PKHD1: variants seen among roughly 807,000 people sequenced by gnomAD.
The protein encoded by PKHD1 is fibrocystin.
In PKHD1, 291 loss-of-function variants were observed where a neutral mutation model predicts 412.0. That is an observed-to-expected ratio of 0.71 (90% CI 0.64 to 0.78). The LOEUF is 0.78. PKHD1 is among the 30% of genes least tolerant of loss of function. The pLI is 0.00. For synonymous variants in PKHD1, 1,777 were observed against 1,821.5 expected (o/e 0.98, Z 0.62); for missense variants, 4,825 against 4,950.7 (o/e 0.97, Z 0.76).
chr6:51,698,760 G>A (rs1779085783), intron 60 of PKHD1, among the ~76,000 whole-genome samples: 1 of 152,120 alleles, frequency 6.6e-6, no homozygotes, highest in African/African-American at 2.4e-5. Context: ...TCTTTCATAT[G>A]CTATTATATT....
At chr6:51,763,893 C>A (rs1226380278) in intron 55 of PKHD1, among the ~76,000 whole-genome samples, 4 of 151,920 alleles carry the variant, frequency 2.6e-5, no homozygotes, top group Non-Finnish European at 5.9e-5. Flanking sequence ...ATCCATACTA[C>A]CCCCTTAAAA....
chr6:51,781,962 TA>T (rs35073244), intron 53 of PKHD1, among the ~76,000 whole-genome samples: 51,883 of 148,634 alleles, frequency 0.35, 10,995 homozygotes, highest in East Asian at 0.68. Flanking sequence ...GTTTTCTAAC[TA>T]AAAAAAAAAA....
At chr6:51,621,844 A>T (rs955344531) in intron 66 of PKHD1, 2 of 152,194 alleles carry the variant, frequency 1.3e-5, no homozygotes, top group African/African-American at 2.4e-5. Context: ...GATCTCAGAC[A>T]AATTAGATAA....
At chr6:51,831,509 ATAAT>A (rs1258953234) in intron 51 of PKHD1, among the ~76,000 whole-genome samples, 2 of 152,218 alleles carry the variant, frequency 1.3e-5, no homozygotes, top group African/African-American at 4.8e-5. Flanking sequence ...TTAAAAATCC[ATAAT>A]TAATTCCTAA....
intron 35 of PKHD1, among the ~76,000 whole-genome samples, chr6:51,995,837 T>G (rs1290953069): frequency 6.6e-6 from 1 of 152,124 alleles, no homozygotes; most frequent in Non-Finnish European, 1.5e-5. Context: ...ATGGACTAGT[T>G]CTAACATTCT....
chr6:51,962,152 T>C (rs370570512), intron 35 of PKHD1, among the ~76,000 whole-genome samples: 10 of 152,214 alleles, frequency 6.6e-5, no homozygotes, highest in Middle Eastern at 3.4e-3. Flanking sequence ...GGAAGAATGA[T>C]GTGTTGATGA....
intron 52 of PKHD1, among the ~76,000 whole-genome samples, chr6:51,805,221 C>A (rs1403575230): frequency 2.6e-5 from 4 of 152,172 alleles, no homozygotes; most frequent in South Asian, 2.1e-4. Flanking sequence ...AAATCATGTT[C>A]TTTGCAGCCA....
intron 36 of PKHD1, among the ~76,000 whole-genome samples, chr6:51,958,788 A>G (rs938146885): frequency 3.3e-5 from 5 of 151,048 alleles, no homozygotes; most frequent in African/African-American, 1.2e-4. Flanking sequence ...ATGACTGTCT[A>G]TAGTGGCATT....
At chr6:51,626,257 G>C (rs1050400179) in intron 66 of PKHD1, among the ~76,000 whole-genome samples, 1 of 152,092 alleles carries the variant, frequency 6.6e-6, no homozygotes, top group Non-Finnish European at 1.5e-5. Flanking sequence ...CAGAAAATAT[G>C]ATAATTGACT....
rs1005094279 is a variant in PKHD1 at position 51,764,132 on chromosome 6, G to T, written c.8642+8570C>A. Among the ~76,000 whole-genome samples, 36 of 133,608 alleles carry T rather than the reference G, an allele frequency of 2.7e-4. No homozygotes were observed. In the Admixed American group the frequency reaches 3.0e-3, roughly 11 times the overall value. The allele number at this position is 133,608 out of a possible 152,430, so 87.7% of individuals were successfully genotyped here. The stretch of plus-strand genomic sequence containing the variant: ...CACCCCACCACAGTCCCCAGAGTGT[G>T]ATATTCCCCTTCCTGTGTCCACGTG... On this transcript the variant is annotated intron_variant, in intron 55 of 66. Coordinates refer to ENST00000371117, the MANE Select transcript of PKHD1 (RefSeq NM_138694.4).
At chr6:51,984,682 G>A (rs114502705) in intron 35 of PKHD1, among the ~76,000 whole-genome samples, 3,084 of 152,272 alleles carry the variant, frequency 0.02, 51 homozygotes, top group South Asian at 0.049. Flanking sequence ...GAGAATGTAG[G>A]AGTATCCTTT....
At chr6:52,069,824 CATT>C (rs1810331303) in intron 10 of PKHD1, among the ~76,000 whole-genome samples, 1 of 152,126 alleles carries the variant, frequency 6.6e-6, no homozygotes. Context: ...ACTCAATAGA[CATT>C]AATTTTATTT....
At chr6:51,829,423 T>C (rs1436524867) in intron 52 of PKHD1, among the ~76,000 whole-genome samples, 1 of 152,122 alleles carries the variant, frequency 6.6e-6, no homozygotes, top group Non-Finnish European at 1.5e-5. Context: ...TCTTGCTTCC[T>C]GCATGGGGTG....
At chr6:51,926,327 C>A (rs1483585124) in intron 37 of PKHD1, among the ~76,000 whole-genome samples, 1 of 152,102 alleles carries the variant, frequency 6.6e-6, no homozygotes, top group Non-Finnish European at 1.5e-5. Flanking sequence ...TTCATTGGAG[C>A]ACCTGGACTC....
intron 35 of PKHD1, among the ~76,000 whole-genome samples, chr6:52,001,305 T>C (rs950688113): frequency 1.3e-5 from 2 of 152,170 alleles, no homozygotes; most frequent in Non-Finnish European, 2.9e-5. Flanking sequence ...TAACAACATA[T>C]TACCTAAAAT....
At position 52,065,160 on chromosome 6, in the gene PKHD1, T is replaced by TAGAGAG. The variant is rs1469516676; in HGVS notation, c.881-111_881-110insCTCTCT. On this transcript the variant is annotated intron_variant, in intron 12 of 66. Coordinates refer to ENST00000371117, the MANE Select transcript of PKHD1 (RefSeq NM_138694.4). ...ATATATATATATATATATATATATA[T>TAGAGAG]ATATATATAGAGAGAGAGAGAGAGA... 5.8e-3 allele frequency: 428 copies of TAGAGAG among 73,226 alleles called. 4 individuals are homozygous for TAGAGAG. The highest frequency in any genetic ancestry group is 7.1e-3 in the Non-Finnish European group (301 of 42,312). The allele number at this position is 73,226 out of a possible 1,614,324, so 4.5% of individuals were successfully genotyped here.
At position 52,070,460 on chromosome 6, in the gene PKHD1, A is replaced by C. The variant is rs1562281177; in HGVS notation, c.668-15T>G. On this transcript the variant is annotated splice_polypyrimidine_tract_variant and intron_variant, in intron 9 of 66. Coordinates refer to ENST00000371117, the MANE Select transcript of PKHD1 (RefSeq NM_138694.4). Reference sequence around the variant, plus strand: ...ATTCTGGGAGCCTGTAACACAAAGAAACACACATTAACTCAGGAATCTGCA... The same window carrying C: ...ATTCTGGGAGCCTGTAACACAAAGACACACACATTAACTCAGGAATCTGCA... 6.2e-7 allele frequency: 1 copy of C among 1,601,230 alleles called. No individual in the cohort carries two copies. The highest frequency in any genetic ancestry group is 8.6e-7 in the Non-Finnish European group (1 of 1,168,736).
intron 43 of PKHD1, among the ~76,000 whole-genome samples, chr6:51,890,546 GA>G (rs76785636): frequency 0.014 from 1,964 of 138,962 alleles, 33 homozygotes; most frequent in African/African-American, 0.038. Context: ...ATAGTCACCA[GA>G]AAAAAAAAAA....
intron 58 of PKHD1, among the ~76,000 whole-genome samples, 169 bp from the exon 59 acceptor site, chr6:51,747,058 T>G (rs761806918): frequency 6.6e-5 from 10 of 152,218 alleles, no homozygotes; most frequent in Non-Finnish European, 1.5e-4. Context: ...TATCAGTAGT[T>G]CTTCAATACA....
Sources: allele counts gnomAD v4.1 joint callset (sites outside exome capture counted in the v4.1 genomes callset), GRCh38; gene constraint gnomAD v4.1.1; transcripts MANE v1.5; gene names NCBI Gene and HGNC (gene_info 2026-07-23, HGNC 2026-07-21).